COL5A1: variants seen among roughly 807,000 people sequenced by gnomAD.
The protein encoded by COL5A1 is collagen type V alpha 1 chain, also known as collagen alpha-1(V) chain.
COL5A1 carries 16 observed loss-of-function variants against 263.7 expected under a neutral mutation model. The observed-to-expected ratio is 0.06, with a 90% CI of 0.04 to 0.09. The LOEUF (loss-of-function observed/expected upper bound fraction) is 0.09, where lower values mean the gene tolerates loss of function less well. COL5A1 is among the 10% of genes least tolerant of loss of function. The pLI is 1.00. For synonymous variants in COL5A1, 1,012 were observed against 1,004.5 expected (o/e 1.01, Z -0.14); for missense variants, 2,036 against 2,540.5 (o/e 0.80, Z 4.27).
chr9:134,828,946 C>T (rs1046112665), intron 63 of COL5A1, among the ~76,000 whole-genome samples: 9 of 151,846 alleles, frequency 5.9e-5, no homozygotes, highest in Non-Finnish European at 8.8e-5. Context: ...CACACAGATG[C>T]GTACCACACA....
chr9:134,767,255 G>T (rs1836708238), intron 23 of COL5A1, 55 bp from the exon 24 acceptor site: 2 of 1,580,442 alleles, frequency 1.3e-6, no homozygotes, highest in East Asian at 4.5e-5. Flanking sequence ...GCAGGGGAGG[G>T]TTCTGAGTCA....
intron 24 of COL5A1, 88 bp downstream of exon 24, chr9:134,767,442 C>T: frequency 3.2e-6 from 4 of 1,259,098 alleles, no homozygotes; most frequent in South Asian, 1.2e-5. Context: ...TGGTATCCAC[C>T]AGCTCTCAAT....
intron 31 of COL5A1, among the ~76,000 whole-genome samples, chr9:134,787,751 C>T (rs756496817): frequency 5.3e-5 from 8 of 152,320 alleles, no homozygotes; most frequent in Non-Finnish European, 7.3e-5. Flanking sequence ...ACAACGTGCA[C>T]GAGGCACAGA....
intron 64 of COL5A1, among the ~76,000 whole-genome samples, chr9:134,830,600 A>G (rs922433414): frequency 5.3e-5 from 8 of 152,194 alleles, no homozygotes; most frequent in Non-Finnish European, 1.2e-4. Flanking sequence ...TAGGACCTGC[A>G]CCACGGATCC....
At chr9:134,810,226 C>T in intron 43 of COL5A1, 29 bp from the exon 44 acceptor site, 1 of 1,613,014 alleles carries the variant, frequency 6.2e-7, no homozygotes, top group Non-Finnish European at 8.5e-7. Context: ...GTCAAGCTTT[C>T]TAACCGAATC....
chr9:134,707,888 C>G (rs534739244), intron 4 of COL5A1, among the ~76,000 whole-genome samples: 35 of 152,304 alleles, frequency 2.3e-4, no homozygotes, highest in Admixed American at 1.4e-3. Context: ...GCAGACTTCC[C>G]GGCACACAGG....
At chr9:134,718,306 CG>C (rs748099646) in intron 4 of COL5A1, among the ~76,000 whole-genome samples, 1 of 152,212 alleles carries the variant, frequency 6.6e-6, no homozygotes, top group Non-Finnish European at 1.5e-5. Flanking sequence ...GCGGAATGGC[CG>C]TAATGACCCT....
At chr9:134,825,302 G>C (rs147260844) in intron 62 of COL5A1, among the ~76,000 whole-genome samples, 1 of 152,298 alleles carries the variant, frequency 6.6e-6, no homozygotes, top group African/African-American at 2.4e-5. Flanking sequence ...CAAACTCCGC[G>C]ATACTGTAAA....
At position 134,647,889 on chromosome 9, in the gene COL5A1, C is replaced by T. The variant is rs1304007214; in HGVS notation, c.109+5593C>T. On this transcript the variant is annotated intron_variant, in intron 1 of 65. Transcript: ENST00000371817. The surrounding 1 kb of genome is among the most constrained non-coding windows in gnomAD (Gnocchi z 5.0). The stretch of plus-strand genomic sequence containing the variant: ...GGTGGATGTGCCTCGATCCTGCAGG[C>T]GGAGCCCACAGCGGCCCTTGTGGTG... Among the ~76,000 whole-genome samples the T allele has an allele frequency of 2.6e-5, 4 of 152,260 alleles. No individual in the cohort carries two copies. The highest frequency in any genetic ancestry group is 2.1e-4 in the South Asian group (1 of 4,826).
chr9:134,817,636 C>T (rs1179799132), intron 53 of COL5A1, 142 bp from the exon 54 acceptor site: 4 of 776,796 alleles, frequency 5.1e-6, no homozygotes, highest in East Asian at 2.7e-5. Flanking sequence ...TGCAGCCCGG[C>T]ACACCCTGAG....
intron 24 of COL5A1, 146 bp from the exon 25 acceptor site, chr9:134,768,264 C>T (rs1480126556): frequency 3.6e-5 from 29 of 797,526 alleles, no homozygotes; most frequent in Middle Eastern, 4.8e-4. Flanking sequence ...CTGCACGCCT[C>T]ACAGCCAGGG....
intron 18 of COL5A1, among the ~76,000 whole-genome samples, chr9:134,761,646 G>A (rs1836448053): frequency 6.6e-6 from 1 of 152,220 alleles, no homozygotes; most frequent in Admixed American, 6.5e-5. Flanking sequence ...GTGTCCTGAG[G>A]CTGCCCACAT....
In COL5A1 at chr9:134,822,718, G is replaced by GCCCCCCC. The variant is rs370666409; in HGVS notation, c.4609-279_4609-278insCCCCCCC. Among the ~76,000 whole-genome samples, 144 of 143,038 alleles carry GCCCCCCC rather than the reference G, an allele frequency of 1.0e-3. 4 individuals carry two copies. The highest frequency in any genetic ancestry group is 4.0e-3 in the African/African-American group (138 of 34,584). The allele number at this position is 143,038 out of a possible 152,430, so 93.8% of individuals were successfully genotyped here. A position where few individuals can be genotyped will look rare whatever the true frequency, so the allele number is the denominator to read the frequency against. On this transcript the variant is annotated intron_variant, in intron 59 of 65. Transcript: ENST00000371817. ...GAGCCAGGACATGCTCTTTTCCGCT[G>GCCCCCCC]CGCCCCCCCCGCGGCTGTCTGAGCT... is the stretch of plus-strand genomic sequence containing the variant.
At chr9:134,648,287 C>T (rs1009773357) in intron 1 of COL5A1, among the ~76,000 whole-genome samples, 2 of 134,124 alleles carry the variant, frequency 1.5e-5, no homozygotes, top group African/African-American at 5.9e-5. Flanking sequence ...TTAATAAACT[C>T]CTATATATAT....
chr9:134,644,982 C>T (rs1831428275), intron 1 of COL5A1, among the ~76,000 whole-genome samples: 1 of 152,156 alleles, frequency 6.6e-6, no homozygotes, highest in Non-Finnish European at 1.5e-5. Flanking sequence ...CCCCTCCCTC[C>T]CTCTCCCCAT....
At chr9:134,730,003 A>T (rs928955666) in intron 6 of COL5A1, among the ~76,000 whole-genome samples, 2 of 152,170 alleles carry the variant, frequency 1.3e-5, no homozygotes, top group Non-Finnish European at 2.9e-5. Flanking sequence ...CATTCTGAGC[A>T]CGCTTAGTAA....
At chr9:134,805,137 A>G (rs778874489) in intron 40 of COL5A1, 24 bp from the exon 41 acceptor site, 1 of 1,613,830 alleles carries the variant, frequency 6.2e-7, no homozygotes, top group Non-Finnish European at 8.5e-7. Flanking sequence ...CGTGCCCTTG[A>G]CCAACCTTTT....
chr9:134,763,581 TG>T, intron 19 of COL5A1, 111 bp from the exon 20 acceptor site: 1 of 1,076,624 alleles, frequency 9.3e-7, no homozygotes, highest in South Asian at 1.3e-5. Flanking sequence ...CTGGTAAACC[TG>T]GCGTATGTGA....
chr9:134,767,393 C>T, intron 24 of COL5A1, 39 bp downstream of exon 24: 1 of 1,601,976 alleles, frequency 6.2e-7, no homozygotes, highest in Non-Finnish European at 8.6e-7. Context: ...CACTGCCCGC[C>T]TGCAGGTGGA....
Sources: gnomAD v4.1 joint callset for allele counts (sites outside exome capture counted in the v4.1 genomes callset) on GRCh38, gnomAD v4.1.1 for gene constraint, Gnocchi (gnomAD v3.1) non-coding constraint, MANE v1.5 for transcripts, NCBI Gene and HGNC (gene_info 2026-07-23, HGNC 2026-07-21) for gene names.